The following RIMS2 variants were observed in gnomAD, a reference collection of about 807,000 sequenced individuals.
RIMS2 encodes regulating synaptic membrane exocytosis 2.
RIMS2 carries 59 observed loss-of-function variants against 174.4 expected under a neutral mutation model. The ratio of observed to expected loss-of-function variants is 0.34; its 90% confidence interval spans 0.27 to 0.42. The LOEUF is 0.42. Ranked by LOEUF, RIMS2 falls within the 10% of genes least tolerant of loss-of-function variation. The probability of loss-of-function intolerance (pLI) is 1.00; values close to 1 mark genes in which losing one functional copy is unlikely to be tolerated. For missense variants in RIMS2, 1,620 were observed against 1,666.3 expected, an observed-to-expected ratio of 0.97 and a Z score of 0.48; for synonymous variants, 606 against 572.5, an observed-to-expected ratio of 1.06 and a Z score of -0.84.
intron 19 of RIMS2, among the ~76,000 whole-genome samples, chr8:104,204,669 A>G (rs985252768): frequency 2.0e-4 from 30 of 152,188 alleles, no homozygotes. Context: ...TGACATTTTT[A>G]GCAAATCTAT....
intron 19 of RIMS2, among the ~76,000 whole-genome samples, chr8:104,053,755 C>A (rs1239930088): frequency 6.6e-6 from 1 of 152,058 alleles, no homozygotes; most frequent in Non-Finnish European, 1.5e-5. Flanking sequence ...GGAATTTTAA[C>A]CAAAGCAATG....
chr8:103,645,859 C>T (rs1252930299), intron 1 of RIMS2, among the ~76,000 whole-genome samples: 1 of 152,040 alleles, frequency 6.6e-6, no homozygotes, highest in African/African-American at 2.4e-5. Flanking sequence ...TAATTTCATA[C>T]ACGTCCATGT....
At chr8:104,020,746 C>G (rs1044200218) in intron 19 of RIMS2, among the ~76,000 whole-genome samples, 8 of 151,738 alleles carry the variant, frequency 5.3e-5, no homozygotes, top group Non-Finnish European at 1.0e-4. Context: ...GAAAATGAGA[C>G]AAATTTAATC....
intron 3 of RIMS2, among the ~76,000 whole-genome samples, chr8:103,811,596 C>T (rs778078723): frequency 6.6e-5 from 10 of 152,112 alleles, no homozygotes; most frequent in Non-Finnish European, 8.8e-5. Flanking sequence ...AGGCACCCGC[C>T]GCTACATCTG....
chr8:103,588,024 C>T (rs1054335714), intron 1 of RIMS2, among the ~76,000 whole-genome samples: 7 of 151,720 alleles, frequency 4.6e-5, no homozygotes, highest in Non-Finnish European at 8.8e-5. Flanking sequence ...CTCCACAAGA[C>T]GACTATTAGA....
intron 3 of RIMS2, among the ~76,000 whole-genome samples, chr8:103,852,328 A>T: frequency 6.6e-6 from 1 of 151,966 alleles, no homozygotes; most frequent in Non-Finnish European, 1.5e-5. Flanking sequence ...AATACATTTT[A>T]AAATGATTTC....
chr8:103,583,638 C>A (rs1421244986), intron 1 of RIMS2, among the ~76,000 whole-genome samples: 1 of 152,074 alleles, frequency 6.6e-6, no homozygotes, highest in African/African-American at 2.4e-5. Context: ...GTAACAGAGT[C>A]CTTTTATAGC....
At chr8:103,514,855 G>A (rs374597268) in intron 1 of RIMS2, among the ~76,000 whole-genome samples, 1 of 151,282 alleles carries the variant, frequency 6.6e-6, no homozygotes, top group Non-Finnish European at 1.5e-5. Flanking sequence ...CTGAGATGGC[G>A]CCACTGCACT....
intron 19 of RIMS2, among the ~76,000 whole-genome samples, chr8:104,129,561 A>G (rs1237360892): frequency 6.6e-6 from 1 of 152,250 alleles, no homozygotes; most frequent in African/African-American, 2.4e-5. Context: ...AGGGCGATGC[A>G]TTCTGTATTA....
chr8:103,817,543 G>T (rs962771520), intron 3 of RIMS2, among the ~76,000 whole-genome samples: 2 of 152,202 alleles, frequency 1.3e-5, no homozygotes, highest in Admixed American at 6.5e-5. Context: ...CACTTTGGGA[G>T]GCCAAGCTGG....
chr8:104,093,488 T>A, intron 19 of RIMS2: 3 of 1,596,764 alleles, frequency 1.9e-6, no homozygotes, highest in Non-Finnish European at 2.5e-6. Flanking sequence ...CAGGATGGGA[T>A]CCTCATAGAG....
chr8:104,249,047 T>A (rs1473441765), intron 21 of RIMS2, among the ~76,000 whole-genome samples: 1 of 151,390 alleles, frequency 6.6e-6, no homozygotes, highest in African/African-American at 2.4e-5. Flanking sequence ...TCCCACCTCA[T>A]CTTCCCAAGT....
At chr8:104,168,054 T>A (rs1025326326) in intron 19 of RIMS2, among the ~76,000 whole-genome samples, 9 of 152,202 alleles carry the variant, frequency 5.9e-5, no homozygotes, top group Non-Finnish European at 8.8e-5. Flanking sequence ...TAACATGTTG[T>A]TTTGGTAACT....
At chr8:103,617,864 G>A (rs1485348120) in intron 1 of RIMS2, among the ~76,000 whole-genome samples, 1 of 152,164 alleles carries the variant, frequency 6.6e-6, no homozygotes, top group Non-Finnish European at 1.5e-5. Flanking sequence ...GCAGATGCTG[G>A]CAGGGTTGCA....
At chr8:104,051,846 C>T (rs56287891) in intron 19 of RIMS2, among the ~76,000 whole-genome samples, 19,476 of 152,124 alleles carry the variant, frequency 0.13, 1,709 homozygotes, top group Non-Finnish European at 0.19. Flanking sequence ...GATTAAGTGA[C>T]AGACATAATA....
intron 3 of RIMS2, among the ~76,000 whole-genome samples, chr8:103,841,775 C>T (rs573380206): frequency 1.3e-5 from 2 of 151,932 alleles, no homozygotes; most frequent in South Asian, 2.1e-4. Flanking sequence ...GCCAACATGA[C>T]GAAACTCTGT....
intron 19 of RIMS2, among the ~76,000 whole-genome samples, chr8:104,149,876 G>A (rs545017675): frequency 1.3e-5 from 2 of 151,996 alleles, no homozygotes; most frequent in Non-Finnish European, 2.9e-5. Context: ...TAATTATTTG[G>A]TGGTATTTTT....
At chr8:103,621,887 A>T (rs551630084) in intron 1 of RIMS2, among the ~76,000 whole-genome samples, 1 of 152,212 alleles carries the variant, frequency 6.6e-6, no homozygotes. Context: ...TATTGTTTCT[A>T]AGTACCTAAG....
intron 2 of RIMS2, among the ~76,000 whole-genome samples, chr8:103,760,270 T>C (rs1777264306): frequency 6.6e-6 from 1 of 152,204 alleles, no homozygotes. Context: ...AGTGTGACTA[T>C]TGCTAGAAAT....
Sources: allele counts gnomAD v4.1 joint callset (sites outside exome capture counted in the v4.1 genomes callset), GRCh38; gene constraint gnomAD v4.1.1; transcripts MANE v1.5; gene names NCBI Gene and HGNC (gene_info 2026-07-23, HGNC 2026-07-21).